The following ARHGEF37 variants were observed in gnomAD, a reference collection of about 807,000 sequenced individuals.
ARHGEF37 encodes the protein Rho guanine nucleotide exchange factor 37.
ARHGEF37 carries 55 observed loss-of-function variants against 71.1 expected under a neutral mutation model. The ratio of observed to expected loss-of-function variants is 0.77; its 90% confidence interval spans 0.62 to 0.97. ARHGEF37 has a LOEUF of 0.97. Among genes scored for constraint, ARHGEF37 ranks in the 50% least tolerant of loss-of-function variants. The pLI, the probability that ARHGEF37 is intolerant of heterozygous loss-of-function variation, is 0.00. For synonymous variants in ARHGEF37, 327 were observed against 350.6 expected, an observed-to-expected ratio of 0.93 and a Z score of 0.75; for missense variants, 765 against 836.8, an observed-to-expected ratio of 0.91 and a Z score of 1.06.
intron 1 of ARHGEF37, among the ~76,000 whole-genome samples, chr5:149,595,142 T>A (rs868557912): frequency 4.6e-5 from 7 of 152,276 alleles, no homozygotes; most frequent in African/African-American, 1.4e-4. Flanking sequence ...TCTTACTGTG[T>A]TCATGTTTCT....
At chr5:149,624,900 G>GGT (rs376820635) in intron 10 of ARHGEF37, among the ~76,000 whole-genome samples, 2 of 134,072 alleles carry the variant, frequency 1.5e-5, no homozygotes, top group African/African-American at 2.8e-5. Context: ...ATGCTTTTGG[G>GGT]TTTTTTTTTT....
rs113360391 is a variant in ARHGEF37 at position 149,588,518 on chromosome 5, C to T, written c.-12+6894C>T. The stretch of plus-strand genomic sequence containing the variant: ...TTTGCCATGTTGGCCAGGCTGGTCT[C>T]GAACTCCTGGCCTCATGTGATCTGC... On this transcript the variant is annotated intron_variant, in intron 1 of 12. Coordinates refer to ENST00000333677, the MANE Select transcript of ARHGEF37 (RefSeq NM_001001669.3). Among the ~76,000 whole-genome samples, 63 of 151,932 alleles carry T rather than the reference C, an allele frequency of 4.1e-4. 2 individuals are homozygous for T. Among genetic ancestry groups the T allele is most frequent in the African/African-American group, 1.4e-3 (56 of 41,442 alleles).
At chr5:149,567,283 C>T (rs1762909292) in intron 1 of ARHGEF37, among the ~76,000 whole-genome samples, 2 of 152,132 alleles carry the variant, frequency 1.3e-5, no homozygotes, top group South Asian at 4.1e-4. Flanking sequence ...ACATTGTGTC[C>T]TTTCCTTTGC....
intron 1 of ARHGEF37, among the ~76,000 whole-genome samples, chr5:149,556,638 C>T (rs1039520752): frequency 2.0e-5 from 3 of 152,102 alleles, no homozygotes; most frequent in Admixed American, 1.3e-4. Flanking sequence ...CCACCTGCCT[C>T]GGCCTCCCAA....
At chr5:149,602,969 G>C (rs1160588028) in intron 3 of ARHGEF37, among the ~76,000 whole-genome samples, 1 of 152,032 alleles carries the variant, frequency 6.6e-6, no homozygotes, top group East Asian at 1.9e-4. Context: ...GTCTCGCTCT[G>C]TCACCCAGGC....
At chr5:149,619,321 T>C (rs1050802410) in intron 7 of ARHGEF37, among the ~76,000 whole-genome samples, 3 of 152,138 alleles carry the variant, frequency 2.0e-5, no homozygotes, top group South Asian at 2.1e-4. Flanking sequence ...GACCAGCACC[T>C]AGAGCAGGGG....
chr5:149,598,099 C>A, intron 2 of ARHGEF37, 144 bp downstream of exon 2: 1 of 1,000,084 alleles, frequency 1.0e-6, no homozygotes, highest in Non-Finnish European at 1.4e-6. Flanking sequence ...GGATGTAAGC[C>A]CCAGTACTTC....
At chr5:149,567,862 G>A (rs1356238136) in intron 1 of ARHGEF37, among the ~76,000 whole-genome samples, 1 of 152,128 alleles carries the variant, frequency 6.6e-6, no homozygotes, top group Admixed American at 6.6e-5. Flanking sequence ...CCTTTTAGTG[G>A]AGAGTGGTAG....
rs142345893 is a variant in ARHGEF37, at chr5:149,567,652, A to G, written c.-12+15529A>G. On this transcript the variant is annotated intron_variant, in intron 1 of 2. Coordinates refer to the ARHGEF37 transcript ENST00000505810. ...AATGGATTATAACCTGTTAACGTTT[A>G]TTTTCGTGGTTAAATTATCCAGATT... 3.0e-3 allele frequency among the ~76,000 whole-genome samples: 462 copies of G among 152,216 alleles called. 3 individuals are homozygous for G. The highest frequency in any genetic ancestry group is 0.011 in the African/African-American group (452 of 41,544).
chr5:149,581,142 T>C (rs1763096447), upstream of ARHGEF37, among the ~76,000 whole-genome samples: 1 of 152,094 alleles, frequency 6.6e-6, no homozygotes, highest in Non-Finnish European at 1.5e-5. Flanking sequence ...GCCCTACAGT[T>C]TGGTGATTCG....
At chr5:149,555,847 G>A (rs941276531) in intron 1 of ARHGEF37, among the ~76,000 whole-genome samples, 1 of 151,982 alleles carries the variant, frequency 6.6e-6, no homozygotes, top group Admixed American at 6.6e-5. Context: ...TTCTTGGCTG[G>A]GTGTGATGGC....
intron 3 of ARHGEF37, among the ~76,000 whole-genome samples, chr5:149,604,529 AT>A (rs1220390322): frequency 6.6e-6 from 1 of 151,912 alleles, no homozygotes; most frequent in Non-Finnish European, 1.5e-5. Flanking sequence ...AGAGGCCCAA[AT>A]AACCCACATG....
Position 149,616,554 on chromosome 5 carries a change from C to A in ARHGEF37, c.459-13C>A. The A allele has an allele frequency of 1.9e-6, 3 of 1,597,074 alleles. No homozygotes were observed. On this transcript the variant is annotated splice_polypyrimidine_tract_variant and intron_variant, in intron 4 of 12. Coordinates refer to ENST00000333677, the MANE Select transcript of ARHGEF37 (RefSeq NM_001001669.3). ...GTGGGATTTACCTGCCTAATACCAG[C>A]CTTCTCCCTCAGGCCGCAAGCTGGA...
intron 1 of ARHGEF37, among the ~76,000 whole-genome samples, chr5:149,558,041 TTTTTAG>T (rs1394137495): frequency 7.9e-5 from 12 of 152,020 alleles, no homozygotes; most frequent in Admixed American, 3.3e-4. Context: ...AATTATCATA[TTTTTAG>T]TAGAGATGGG....
intron 1 of ARHGEF37, among the ~76,000 whole-genome samples, chr5:149,596,143 AC>A (rs1763538566): frequency 6.6e-6 from 1 of 151,990 alleles, no homozygotes; most frequent in South Asian, 2.1e-4. Flanking sequence ...GCTGCTCCCC[AC>A]CGTAGTTTTC....
At chr5:149,624,178 C>G in intron 10 of ARHGEF37, 38 bp downstream of exon 10, 1 of 1,578,742 alleles carries the variant, frequency 6.3e-7, no homozygotes, top group Non-Finnish European at 8.7e-7. Context: ...CTGTCCAGTT[C>G]TTCACTGGCC....
chr5:149,599,326 G>A (rs942073586), intron 2 of ARHGEF37, among the ~76,000 whole-genome samples: 10 of 152,050 alleles, frequency 6.6e-5, no homozygotes, highest in African/African-American at 2.4e-4. Context: ...GAGGGGCTGG[G>A]CTCTGTCCCC....
chr5:149,623,149 A>G (rs985821876), intron 9 of ARHGEF37, among the ~76,000 whole-genome samples: 2 of 152,086 alleles, frequency 1.3e-5, no homozygotes, highest in African/African-American at 4.8e-5. Flanking sequence ...GAGCTCCCCA[A>G]ACAAGTGGCA....
chr5:149,557,872 T>C (rs1762775250), intron 1 of ARHGEF37, among the ~76,000 whole-genome samples: 1 of 151,206 alleles, frequency 6.6e-6, no homozygotes, highest in Admixed American at 6.6e-5. Flanking sequence ...ATAATTTTTT[T>C]TTTTTTTTTT....
Sources: gnomAD v4.1 joint callset for allele counts (sites outside exome capture counted in the v4.1 genomes callset) on GRCh38, gnomAD v4.1.1 for gene constraint, MANE v1.5 for transcripts, NCBI Gene and HGNC (gene_info 2026-07-23, HGNC 2026-07-21) for gene names.